C12orf42: variants seen among roughly 807,000 people sequenced by gnomAD.
C12orf42 encodes uncharacterized protein C12orf42.
C12orf42 carries 25 observed loss-of-function variants against 21.6 expected under a neutral mutation model. That is an observed-to-expected ratio of 1.16 (90% CI 0.84 to 1.62). The LOEUF (loss-of-function observed/expected upper bound fraction) is 1.62. Ranked by LOEUF, C12orf42 falls within the 40% of genes most tolerant of loss-of-function variation. The probability of loss-of-function intolerance (pLI) is 0.00; values close to 1 mark genes in which losing one functional copy is unlikely to be tolerated. For synonymous variants in C12orf42, 174 were observed against 175.0 expected (o/e 0.99, Z 0.05); for missense variants, 483 against 459.3 (o/e 1.05, Z -0.47).
At chr12:103,505,800 C>T in the C12orf42 span, among the ~76,000 whole-genome samples, 2 of 152,184 alleles carry the variant, frequency 1.3e-5, no homozygotes, top group Non-Finnish European at 2.9e-5. Flanking sequence ...CTGGCTTCTC[C>T]GCTTGGACAC....
chr12:103,089,850 C>T, the C12orf42 span, among the ~76,000 whole-genome samples: 1 of 152,032 alleles, frequency 6.6e-6, no homozygotes, highest in African/African-American at 2.4e-5. Context: ...TATTAAAAAA[C>T]AAAACAGGGC....
chr12:103,483,010 T>G (rs1042573872), intron 1 of C12orf42, among the ~76,000 whole-genome samples: 1 of 152,212 alleles, frequency 6.6e-6, no homozygotes, highest in Admixed American at 6.5e-5. Flanking sequence ...TTATTTTTCC[T>G]CTCAATATAG....
At chr12:103,563,375 A>C in the C12orf42 span, among the ~76,000 whole-genome samples, 1 of 152,216 alleles carries the variant, frequency 6.6e-6, no homozygotes, top group Non-Finnish European at 1.5e-5. Flanking sequence ...TGGTGGTCCC[A>C]GTTGCACAAT....
the C12orf42 span, among the ~76,000 whole-genome samples, chr12:103,197,045 G>T: frequency 6.6e-6 from 1 of 152,166 alleles, no homozygotes; most frequent in African/African-American, 2.4e-5. Context: ...TTTTGTGGTA[G>T]CTGGTAATGT....
At chr12:103,168,150 G>A in the C12orf42 span, 16 of 451,916 alleles carry the variant, frequency 3.5e-5, no homozygotes, top group South Asian at 2.5e-4. Context: ...CAAGACCCAG[G>A]GCATATCATC....
the C12orf42 span, among the ~76,000 whole-genome samples, chr12:103,070,411 A>G: frequency 1.3e-5 from 2 of 152,028 alleles, no homozygotes; most frequent in Non-Finnish European, 2.9e-5. Context: ...GGTAGAAAGG[A>G]GAGCCTTTCA....
intron 4 of C12orf42, among the ~76,000 whole-genome samples, chr12:103,311,469 G>C (rs2038967417): frequency 6.6e-6 from 1 of 151,992 alleles, no homozygotes; most frequent in African/African-American, 2.4e-5. Context: ...TGAATTTTGG[G>C]TTACCTCTAT....
chr12:103,281,595 A>C (rs1351492805), intron 4 of C12orf42, among the ~76,000 whole-genome samples: 2 of 152,044 alleles, frequency 1.3e-5, no homozygotes, highest in Admixed American at 1.3e-4. Context: ...TGACCTCGTG[A>C]TCTGCCCGGC....
chr12:103,367,690 T>C (rs2044736686), intron 4 of C12orf42, among the ~76,000 whole-genome samples: 1 of 151,948 alleles, frequency 6.6e-6, no homozygotes, highest in African/African-American at 2.4e-5. Context: ...TGAGGCAGAT[T>C]GGAGCAGAAG....
At chr12:103,356,698 C>T (rs1433279668) in intron 4 of C12orf42, among the ~76,000 whole-genome samples, 4 of 151,788 alleles carry the variant, frequency 2.6e-5, no homozygotes, top group Non-Finnish European at 5.9e-5. Flanking sequence ...TGTTTCCTGA[C>T]TTTTTAATGA....
chr12:103,259,024 A>G (rs958733593), intron 10 of C12orf42, among the ~76,000 whole-genome samples: 1 of 152,206 alleles, frequency 6.6e-6, no homozygotes, highest in Admixed American at 6.5e-5. Flanking sequence ...GCCCTACAAG[A>G]CATAGAAAGT....
At chr12:103,394,831 G>C (rs2047380327) in intron 3 of C12orf42, among the ~76,000 whole-genome samples, 1 of 152,158 alleles carries the variant, frequency 6.6e-6, no homozygotes, top group South Asian at 2.1e-4. Flanking sequence ...CATCCAGTGT[G>C]GGGCTACATG....
chr12:103,236,743 T>C (rs1388116033), downstream of C12orf42, among the ~76,000 whole-genome samples: 1 of 152,250 alleles, frequency 6.6e-6, no homozygotes, highest in Non-Finnish European at 1.5e-5. Flanking sequence ...GGTCCATTAC[T>C]GTGAATGAAC....
the C12orf42 span, among the ~76,000 whole-genome samples, chr12:103,218,109 G>A: frequency 5.3e-5 from 8 of 151,844 alleles, no homozygotes; most frequent in Non-Finnish European, 7.4e-5. Context: ...GGCAAAACCC[G>A]TCTCTACTAA....
intron 1 of C12orf42, 26 bp from the exon 2 acceptor site, chr12:103,478,473 G>A: frequency 8.2e-7 from 1 of 1,217,046 alleles, no homozygotes; most frequent in Middle Eastern, 1.9e-4. Context: ...GGAGAAAGAA[G>A]AGCAGGTTTA....
At chr12:103,507,075 TA>T in the C12orf42 span, among the ~76,000 whole-genome samples, 10 of 11,974 alleles carry the variant, frequency 8.4e-4, no homozygotes, top group Admixed American at 5.2e-3. Context: ...TATAAATATA[TA>T]TTTATATATA....
intron 3 of C12orf42, among the ~76,000 whole-genome samples, chr12:103,400,871 T>C (rs565804123): frequency 3.3e-5 from 5 of 152,260 alleles, no homozygotes; most frequent in African/African-American, 1.2e-4. Context: ...TGTGTTCCTT[T>C]TTAGAGGAAG....
At chr12:103,054,878 T>C in the C12orf42 span, among the ~76,000 whole-genome samples, 2 of 152,096 alleles carry the variant, frequency 1.3e-5, no homozygotes, top group African/African-American at 2.4e-5. Flanking sequence ...GTTATACTGC[T>C]TGATTTTCAA....
chr12:103,362,369 C>G (rs1447401539), intron 4 of C12orf42, among the ~76,000 whole-genome samples: 1 of 152,024 alleles, frequency 6.6e-6, no homozygotes, highest in Admixed American at 6.6e-5. Context: ...AGCCTTGAAC[C>G]CCAGATCTTC....
Sources: gnomAD v4.1 joint callset for allele counts (sites outside exome capture counted in the v4.1 genomes callset) on GRCh38, gnomAD v4.1.1 for gene constraint, MANE v1.5 for transcripts, NCBI Gene and HGNC (gene_info 2026-07-23, HGNC 2026-07-21) for gene names.